Variants in NID1 observed in about 807,000 individuals in gnomAD.
NID1 encodes nidogen 1.
NID1 carries 76 observed loss-of-function variants against 130.6 expected under a neutral mutation model. The ratio of observed to expected loss-of-function variants is 0.58; its 90% confidence interval spans 0.48 to 0.70. NID1 has a LOEUF of 0.70. Among genes scored for constraint, NID1 ranks in the 30% least tolerant of loss-of-function variants. The pLI is 0.00. For missense variants in NID1, 1,517 were observed against 1,664.8 expected (o/e 0.91, Z 1.54); for synonymous variants, 665 against 675.1 (o/e 0.98, Z 0.23).
intron 10 of NID1, 82 bp from the exon 11 acceptor site, chr1:236,013,642 G>C: frequency 6.5e-7 from 1 of 1,546,450 alleles, no homozygotes; most frequent in South Asian, 1.2e-5. Context: ...TCTATAAAGA[G>C]AGACCATGCC....
intron 12 of NID1, among the ~76,000 whole-genome samples, chr1:235,997,646 G>T (rs1303514082): frequency 3.8e-5 from 5 of 132,028 alleles, no homozygotes; most frequent in Admixed American, 8.6e-5. Flanking sequence ...ACTCTGTCTT[G>T]CACAGGCTGG....
Position 236,029,758 on chromosome 1 carries a change from A to C in NID1, c.1538-8T>G, listed in dbSNP as rs761091198. The C allele has an allele frequency of 8.7e-6, 14 of 1,613,782 alleles. No individual in the cohort carries two copies. The highest frequency in any genetic ancestry group is 1.1e-5 in the Non-Finnish European group (13 of 1,179,958). ...GGCGAGTGAACTCACCCCCTGAAAA[A>C]CAAGATGAGACTGTCACTTTGCTGA... On this transcript the variant is annotated splice_region_variant and splice_polypyrimidine_tract_variant and intron_variant, in intron 6 of 19. Transcript: ENST00000264187.
chr1:236,041,748 C>T (rs966081107), intron 4 of NID1, among the ~76,000 whole-genome samples, 162 bp downstream of exon 4: 24 of 152,302 alleles, frequency 1.6e-4, no homozygotes, highest in African/African-American at 5.8e-4. Context: ...GGGCATATAA[C>T]ACCAAGGCTC....
At chr1:236,062,082 C>T (rs1387804373) in intron 1 of NID1, among the ~76,000 whole-genome samples, 1 of 151,738 alleles carries the variant, frequency 6.6e-6, no homozygotes, top group African/African-American at 2.4e-5. Context: ...AGGTATATAC[C>T]CAAGAGAAAT....
chr1:236,043,008 A>G (rs1026722985), intron 3 of NID1, among the ~76,000 whole-genome samples: 9 of 152,138 alleles, frequency 5.9e-5, no homozygotes, highest in African/African-American at 2.2e-4. Flanking sequence ...CCACCATAAA[A>G]ACCCTAAAAT....
chr1:236,034,383 T>C (rs1219578459), intron 5 of NID1, among the ~76,000 whole-genome samples: 3 of 143,562 alleles, frequency 2.1e-5, no homozygotes, highest in Non-Finnish European at 3.0e-5. Flanking sequence ...GATTGCACCA[T>C]TGCACTCCAG....
At chr1:235,989,603 T>A (rs778500751) in intron 14 of NID1, among the ~76,000 whole-genome samples, 1 of 152,238 alleles carries the variant, frequency 6.6e-6, no homozygotes, top group Non-Finnish European at 1.5e-5. Context: ...AATAGGAAGA[T>A]ACATGTCAGA....
At chr1:236,031,975 TATCAAAG>T (rs1245303732) in intron 6 of NID1, among the ~76,000 whole-genome samples, 1 of 152,112 alleles carries the variant, frequency 6.6e-6, no homozygotes, top group Non-Finnish European at 1.5e-5. Flanking sequence ...CCTGAGGAAA[TATCAAAG>T]ATCAGTTTCA....
At chr1:236,002,443 C>A (rs140417484) in intron 12 of NID1, among the ~76,000 whole-genome samples, 3 of 152,182 alleles carry the variant, frequency 2.0e-5, no homozygotes, top group African/African-American at 7.2e-5. Flanking sequence ...GCGGAGGTTG[C>A]AGTGAGCCGA....
At position 236,011,296 on chromosome 1, in the gene NID1, C is replaced by CTTT. The variant is rs3077493; in HGVS notation, c.2527+622_2527+624dup. ...TCCAGTCTAAGGTGTCAAATATATT[C>CTTT]TTTTTTTTTCTTTTTTTTTTTTTTT... On this transcript the variant is annotated intron_variant, in intron 12 of 19. Transcript: ENST00000264187. Among the ~76,000 whole-genome samples, 167 of 135,992 alleles carry CTTT rather than the reference C, an allele frequency of 1.2e-3. 1 individual carries two copies. Among genetic ancestry groups the CTTT allele is most frequent in the Non-Finnish European group, 2.0e-3 (130 of 63,944 alleles). The allele number at this position is 135,992 out of a possible 152,430, so 89.2% of individuals were successfully genotyped here. A position where few individuals can be genotyped will look rare whatever the true frequency, so the allele number is the denominator to read the frequency against.
At chr1:236,018,801 A>C (rs1000980960) in intron 9 of NID1, among the ~76,000 whole-genome samples, 1 of 151,874 alleles carries the variant, frequency 6.6e-6, no homozygotes, top group African/African-American at 2.4e-5. Context: ...ATAATGGCCG[A>C]GACCACACAG....
At chr1:236,036,811 C>T (rs1478844922) in intron 5 of NID1, among the ~76,000 whole-genome samples, 1 of 152,184 alleles carries the variant, frequency 6.6e-6, no homozygotes, top group Non-Finnish European at 1.5e-5. Context: ...CTGCAGAGAG[C>T]CCCCACCAGA....
chr1:236,026,827 C>T (rs954273710), intron 7 of NID1, among the ~76,000 whole-genome samples: 2 of 151,832 alleles, frequency 1.3e-5, no homozygotes, highest in Non-Finnish European at 2.9e-5. Flanking sequence ...CAACCTCCGC[C>T]CCCTGGGTTC....
Position 236,032,554 on chromosome 1 carries a change from C to T in NID1, c.1384G>A (p.Val462Ile), listed in dbSNP as rs111733802. 46 of 1,613,958 alleles carry T rather than the reference C, an allele frequency of 2.9e-5. No individual in the cohort carries two copies. Among genetic ancestry groups the T allele is most frequent in the African/African-American group, 1.6e-4 (12 of 74,882 alleles). Residue 462 changes from valine (V) to isoleucine (I), a missense_variant, in exon 6 of 20, where the codon GTA becomes ATA. This residue lies in a region of NID1 where 1,329 missense variants were observed against 1,429.2 expected (regional missense o/e 0.93). Transcript: ENST00000264187. ...VFENTDLHSYVVMNHGRSYTA... is the reference protein window; with the variant it reads ...VFENTDLHSYIVMNHGRSYTA... ...TAGGAGCGCCCGTGGTTCATTACTA[C>T]GTAAGAGTGGAGGTCAGTGTTCTCA...
chr1:236,025,758 T>G, intron 8 of NID1, 138 bp downstream of exon 8: 1 of 1,233,206 alleles, frequency 8.1e-7, no homozygotes, highest in Non-Finnish European at 1.1e-6. Flanking sequence ...TAACAAGACA[T>G]TCTTTTTTTC....
intron 2 of NID1, among the ~76,000 whole-genome samples, chr1:236,046,100 A>AAAAAC (rs1223362238): frequency 6.6e-6 from 1 of 152,232 alleles, no homozygotes; most frequent in Non-Finnish European, 1.5e-5. Context: ...GTACAGTAGA[A>AAAAAC]AAAACAAAAC....
At position 235,993,628 on chromosome 1, in the gene NID1, G is replaced by C; in HGVS notation, c.2755+17C>G. ...CCTTCTCAGGCACACGCCCAAGCAC[G>C]GCCTGCACCCACTTACACGGGGGCG... On this transcript the variant is annotated intron_variant, in intron 13 of 19. Coordinates refer to ENST00000264187, the MANE Select transcript of NID1 (RefSeq NM_002508.3). The C allele has an allele frequency of 6.6e-7, 1 of 1,517,430 alleles. No individual in the cohort carries two copies. The highest frequency in any genetic ancestry group is 8.9e-7 in the Non-Finnish European group (1 of 1,125,352). The allele number at this position is 1,517,430 out of a possible 1,614,324, so 94.0% of individuals were successfully genotyped here.
rs79141401 is a variant in NID1, at chr1:235,979,245, C to T, written c.3510-138G>A. 435 of 643,268 alleles carry T rather than the reference C, an allele frequency of 6.8e-4. 7 individuals carry two copies. In the East Asian group the frequency reaches 0.012, roughly 18 times the overall value. 39.8% of individuals were successfully genotyped at this position (643,268 alleles called of 1,614,324 possible). ...ATGATGGCCTTCTTCCTAGACATCCCTTCCTTCCCCTGGGGTGGGTCAAGC... is the reference window on the plus strand; with the variant it reads ...ATGATGGCCTTCTTCCTAGACATCCTTTCCTTCCCCTGGGGTGGGTCAAGC... On this transcript the variant is annotated intron_variant, in intron 18 of 19. Coordinates refer to ENST00000264187, the MANE Select transcript of NID1 (RefSeq NM_002508.3). This position sits in a 1 kb window ranked among gnomAD's most constrained non-coding sequence, Gnocchi z 4.6.
intron 3 of NID1, 109 bp from the exon 4 acceptor site, chr1:236,042,401 C>CT: frequency 1.4e-6 from 2 of 1,390,164 alleles, no homozygotes; most frequent in Non-Finnish European, 2.0e-6. Context: ...AAGCCATCAC[C>CT]TGCAGCTAGG....
Sources: gnomAD v4.1 joint callset for allele counts (sites outside exome capture counted in the v4.1 genomes callset) on GRCh38, gnomAD v4.1.1 for gene constraint, gnomAD v4.1.1 regional missense constraint, Gnocchi (gnomAD v3.1) non-coding constraint, MANE v1.5 for transcripts, NCBI Gene and HGNC (gene_info 2026-07-23, HGNC 2026-07-21) for gene names.